The following EXT2 variants were observed in gnomAD, a reference collection of about 807,000 sequenced individuals.
EXT2 encodes exostosin glycosyltransferase 2.
EXT2 carries 53 observed loss-of-function variants against 81.6 expected under a neutral mutation model. That is an observed-to-expected ratio of 0.65 (90% CI 0.52 to 0.82). The LOEUF (loss-of-function observed/expected upper bound fraction) is 0.82. Ranked by LOEUF, EXT2 falls within the 40% of genes least tolerant of loss-of-function variation. The pLI, the probability that EXT2 is intolerant of heterozygous loss-of-function variation, is 0.00. For synonymous variants in EXT2, 320 were observed against 340.0 expected, an observed-to-expected ratio of 0.94 and a Z score of 0.65; for missense variants, 774 against 910.2, an observed-to-expected ratio of 0.85 and a Z score of 1.93.
At chr11:44,139,362 A>G (rs1418471427) in intron 7 of EXT2, among the ~76,000 whole-genome samples, 1 of 152,052 alleles carries the variant, frequency 6.6e-6, no homozygotes, top group Non-Finnish European at 1.5e-5. Context: ...CTTGTAGAGG[A>G]AAGTTAGAAT....
chr11:44,236,281 C>G lies in EXT2; in HGVS notation c.1936-12C>G. ...ACTGACAGCCAGGTATGTTTTTGTC[C>G]TCCTCTGGCAGGTAACCCCACGAAA... On this transcript the variant is annotated splice_polypyrimidine_tract_variant and intron_variant, in intron 12 of 13. Coordinates refer to ENST00000533608, the MANE Select transcript of EXT2 (RefSeq NM_207122.2). 6.2e-7 allele frequency: 1 copy of G among 1,613,686 alleles called. No homozygotes were observed. Among genetic ancestry groups the G allele is most frequent in the South Asian group, 1.1e-5 (1 of 91,086 alleles).
chr11:44,182,348 C>G (rs1197691077), intron 8 of EXT2, among the ~76,000 whole-genome samples: 1 of 151,992 alleles, frequency 6.6e-6, no homozygotes, highest in Non-Finnish European at 1.5e-5. Flanking sequence ...TTTCCAGAGC[C>G]CCTTCTTCCA....
At chr11:44,142,180 C>T (rs936347402) in intron 7 of EXT2, among the ~76,000 whole-genome samples, 70 of 152,304 alleles carry the variant, frequency 4.6e-4, no homozygotes, top group African/African-American at 1.7e-3. Flanking sequence ...TTACTATATA[C>T]TTACATATAT....
intron 7 of EXT2, among the ~76,000 whole-genome samples, chr11:44,139,043 G>A (rs892260893): frequency 4.6e-5 from 7 of 151,474 alleles, no homozygotes; most frequent in African/African-American, 7.3e-5. Context: ...TTGGAAACTC[G>A]AAAGAGAATT....
intron 4 of EXT2, among the ~76,000 whole-genome samples, chr11:44,124,458 C>CACACAG (rs1555005257): frequency 6.6e-6 from 1 of 151,614 alleles, no homozygotes; most frequent in Non-Finnish European, 1.5e-5. Context: ...CACACACACA[C>CACACAG]ACACACACAC....
rs1194252380 is a variant in EXT2, at chr11:44,248,501, A to T, written c.*4214A>T. ...ACTCACCCACTTTCTACTTCTGAGT[A>T]GAATCAAGGGCAGCATTTGGTCCCA... On this transcript the variant is annotated 3_prime_UTR_variant, in exon 14 of 14. Transcript: ENST00000533608. Among the ~76,000 whole-genome samples, 4 of 152,236 alleles carry T rather than the reference A, an allele frequency of 2.6e-5. No homozygotes were observed. Among genetic ancestry groups the T allele is most frequent in the African/African-American group, 9.6e-5 (4 of 41,458 alleles).
chr11:44,149,861 G>A (rs1954769983), intron 7 of EXT2, among the ~76,000 whole-genome samples: 1 of 152,170 alleles, frequency 6.6e-6, no homozygotes, highest in South Asian at 2.1e-4. Flanking sequence ...GCTGGTCCAT[G>A]TATTTTCTTG....
chr11:44,202,536 G>A (rs1270476362), intron 9 of EXT2, among the ~76,000 whole-genome samples: 1 of 152,184 alleles, frequency 6.6e-6, no homozygotes, highest in African/African-American at 2.4e-5. Context: ...AAGTGGATAT[G>A]GAAGGCCTGG....
intron 4 of EXT2, among the ~76,000 whole-genome samples, chr11:44,123,814 T>C (rs543414389): frequency 1.3e-5 from 2 of 152,084 alleles, no homozygotes; most frequent in South Asian, 2.1e-4. Flanking sequence ...AGGGAATTAC[T>C]TCCCATCTGG....
intron 7 of EXT2, among the ~76,000 whole-genome samples, chr11:44,137,369 A>G (rs1457223805): frequency 6.6e-6 from 1 of 152,216 alleles, no homozygotes; most frequent in African/African-American, 2.4e-5. Context: ...CCATAAAGTT[A>G]CTTTCCCTGG....
At chr11:44,191,679 AG>A (rs1411240090) in intron 8 of EXT2, among the ~76,000 whole-genome samples, 1 of 152,194 alleles carries the variant, frequency 6.6e-6, no homozygotes, top group Non-Finnish European at 1.5e-5. Context: ...CAGTTCTTAA[AG>A]GTATTTCAGA....
At chr11:44,194,857 T>A in intron 8 of EXT2, among the ~76,000 whole-genome samples, 1 of 152,168 alleles carries the variant, frequency 6.6e-6, no homozygotes. Flanking sequence ...GTGAGTATTG[T>A]GTCAAGAGGG....
At position 44,244,216 on chromosome 11, in the gene EXT2, G is replaced by C; in HGVS notation, c.2086G>C (p.Ala696Pro). ...GCCTCTCAAGGTGGTGGAACACCGA[G>C]CTGACCCTGTCCTGTACAAAGATGA... ...TMPLKVVEHR[A>P]DPVLYKDDFP... The change falls in exon 14 of 14, where the codon GCT becomes CCT. Residue 696 changes from alanine (A) to proline (P), a missense_variant. Ala to Pro is a conservative substitution (Grantham distance 27). This residue lies in a region of EXT2 where 148 missense variants were observed against 239.7 expected (regional missense o/e 0.62). Coordinates refer to ENST00000533608, the MANE Select transcript of EXT2 (RefSeq NM_207122.2). 1 of 1,614,022 alleles carries C rather than the reference G, an allele frequency of 6.2e-7. No individual in the cohort carries two copies. The highest frequency in any genetic ancestry group is 8.5e-7 in the Non-Finnish European group (1 of 1,179,910).
At chr11:44,178,771 C>G (rs1056726840) in intron 8 of EXT2, among the ~76,000 whole-genome samples, 1 of 151,160 alleles carries the variant, frequency 6.6e-6, no homozygotes, top group Non-Finnish European at 1.5e-5. Flanking sequence ...CTTATTCTCT[C>G]CATCTTCCTC....
At chr11:44,139,120 C>CT (rs397965600) in intron 7 of EXT2, among the ~76,000 whole-genome samples, 48,426 of 139,370 alleles carry the variant, frequency 0.35, 8,541 homozygotes, top group Middle Eastern at 0.48. Context: ...TCTCTCTCTC[C>CT]TTTTTTTTTT....
At chr11:44,104,516 T>C (rs1954027633) in intron 1 of EXT2, 2 of 152,242 alleles carry the variant, frequency 1.3e-5, no homozygotes, top group Admixed American at 1.3e-4. Flanking sequence ...TGTTTTTAAA[T>C]GACATATTCT....
chr11:44,197,598 A>G (rs1002968344), intron 8 of EXT2, among the ~76,000 whole-genome samples: 5 of 152,176 alleles, frequency 3.3e-5, no homozygotes, highest in Non-Finnish European at 7.3e-5. Context: ...TTTAACTAGA[A>G]TTCTTTTCTC....
At chr11:44,119,110 G>A (rs1590560978) in intron 4 of EXT2, among the ~76,000 whole-genome samples, 2 of 104,034 alleles carry the variant, frequency 1.9e-5, no homozygotes, top group Admixed American at 1.0e-4. Context: ...GTCCCCCAGG[G>A]GACATTTGGC....
chr11:44,206,682 G>C (rs1396945802), intron 9 of EXT2, 111 bp from the exon 10 acceptor site: 4 of 1,123,080 alleles, frequency 3.6e-6, no homozygotes, highest in Middle Eastern at 2.4e-4. Context: ...GATTTGATGA[G>C]AGCCGTGGAT....
Sources: allele counts gnomAD v4.1 joint callset (sites outside exome capture counted in the v4.1 genomes callset), GRCh38; gene constraint gnomAD v4.1.1; regional missense constraint gnomAD v4.1.1; transcripts MANE v1.5; gene names NCBI Gene and HGNC (gene_info 2026-07-23, HGNC 2026-07-21).